SCHIP1: variants seen among roughly 807,000 people sequenced by gnomAD.
The protein encoded by SCHIP1 is schwannomin interacting protein 1.
SCHIP1 carries 8 observed loss-of-function variants against 29.7 expected under a neutral mutation model. That is an observed-to-expected ratio of 0.27 (90% confidence interval 0.16 to 0.49). The LOEUF is 0.49. Ranked by LOEUF, SCHIP1 falls within the 20% of genes least tolerant of loss-of-function variation. The pLI is 0.99. For synonymous variants in SCHIP1, 76 were observed against 94.9 expected (o/e 0.80, Z 1.16); for missense variants, 193 against 294.6 (o/e 0.66, Z 2.52).
the SCHIP1 span, among the ~76,000 whole-genome samples, chr3:159,362,387 A>G: frequency 6.6e-6 from 1 of 152,368 alleles, no homozygotes; most frequent in African/African-American, 2.4e-5. Context: ...ACTTCTGCAC[A>G]GCACGGGAGA....
chr3:159,668,376 C>CAAA, the SCHIP1 span, among the ~76,000 whole-genome samples: 394 of 46,364 alleles, frequency 8.5e-3, 2 homozygotes, highest in Non-Finnish European at 0.011. Context: ...GACTCCGTCT[C>CAAA]AAAAAAAAAA....
chr3:159,793,487 T>C, the SCHIP1 span, among the ~76,000 whole-genome samples: 2 of 152,214 alleles, frequency 1.3e-5, no homozygotes, highest in Non-Finnish European at 2.9e-5. Flanking sequence ...TATTATTTTA[T>C]ACTTCTGAAG....
At chr3:159,704,292 G>A in the SCHIP1 span, among the ~76,000 whole-genome samples, 2 of 151,878 alleles carry the variant, frequency 1.3e-5, no homozygotes, top group East Asian at 1.9e-4. Flanking sequence ...AAACTTAGCT[G>A]GGCATGGTGG....
At chr3:159,493,302 C>T in the SCHIP1 span, among the ~76,000 whole-genome samples, 1,248 of 152,310 alleles carry the variant, frequency 8.2e-3, 15 homozygotes, top group African/African-American at 0.028. Context: ...AAAGCACATA[C>T]TGGCAAATTG....
At chr3:159,744,976 C>T in the SCHIP1 span, among the ~76,000 whole-genome samples, 3 of 125,350 alleles carry the variant, frequency 2.4e-5, no homozygotes, top group Non-Finnish European at 5.5e-5. Flanking sequence ...AGCAAGACTC[C>T]GTCTCAAAAA....
chr3:159,521,388 T>G, the SCHIP1 span, among the ~76,000 whole-genome samples: 10 of 152,384 alleles, frequency 6.6e-5, 1 homozygote, highest in African/African-American at 2.2e-4. Flanking sequence ...ACAGGTATAA[T>G]GTCTTTGGCT....
chr3:159,654,464 C>G, the SCHIP1 span, among the ~76,000 whole-genome samples: 1 of 152,138 alleles, frequency 6.6e-6, no homozygotes, highest in Non-Finnish European at 1.5e-5. Flanking sequence ...TTTTTCAAGT[C>G]TAACATTTTT....
chr3:159,889,083 C>T, intron 5 of SCHIP1, 140 bp downstream of exon 6: 1 of 1,216,284 alleles, frequency 8.2e-7, no homozygotes, highest in Non-Finnish European at 1.1e-6. Context: ...AATCACAAGG[C>T]TCTTTTTTGT....
chr3:159,607,349 G>A, the SCHIP1 span, among the ~76,000 whole-genome samples: 4 of 151,730 alleles, frequency 2.6e-5, no homozygotes, highest in Non-Finnish European at 2.9e-5. Context: ...GCTTAAAACT[G>A]CACCTAATTT....
intron 1 of SCHIP1, among the ~76,000 whole-genome samples, chr3:159,850,705 A>G (rs951177600): frequency 9.2e-5 from 14 of 152,174 alleles, no homozygotes; most frequent in African/African-American, 3.4e-4. Context: ...AAGCAGGCAC[A>G]TCTTCACGTG....
At chr3:159,637,439 C>T in the SCHIP1 span, among the ~76,000 whole-genome samples, 1 of 147,730 alleles carries the variant, frequency 6.8e-6, no homozygotes, top group Non-Finnish European at 1.5e-5. Flanking sequence ...CTTCTCTCTG[C>T]TAAGGGTGGG....
the SCHIP1 span, among the ~76,000 whole-genome samples, chr3:159,504,320 A>G: frequency 3.3e-5 from 5 of 152,354 alleles, 1 homozygote; most frequent in African/African-American, 1.2e-4. Flanking sequence ...TTCTCCCAGA[A>G]TATCTTGCAT....
chr3:159,329,683 T>C, the SCHIP1 span, among the ~76,000 whole-genome samples: 41 of 152,336 alleles, frequency 2.7e-4, no homozygotes, highest in African/African-American at 8.2e-4. Flanking sequence ...TTCTTTTCTA[T>C]AGTCATAATC....
the SCHIP1 span, among the ~76,000 whole-genome samples, chr3:159,358,760 G>A: frequency 1.3e-5 from 2 of 152,016 alleles, no homozygotes; most frequent in Admixed American, 6.6e-5. Flanking sequence ...TATATAATCC[G>A]TGAAAAATCC....
chr3:159,273,249 G>T, the SCHIP1 span: 1 of 985,636 alleles, frequency 1.0e-6, no homozygotes, highest in Non-Finnish European at 1.2e-6. Flanking sequence ...GCCTCAGAAA[G>T]AGATAATCTG....
the SCHIP1 span, among the ~76,000 whole-genome samples, chr3:159,528,733 G>A: frequency 2.0e-5 from 3 of 152,176 alleles, no homozygotes; most frequent in Admixed American, 6.5e-5. Flanking sequence ...CTGCATCCCC[G>A]AAACATAATG....
chr3:159,469,041 C>T, the SCHIP1 span, among the ~76,000 whole-genome samples: 5 of 151,952 alleles, frequency 3.3e-5, no homozygotes, highest in Admixed American at 3.3e-4. Context: ...GCTGGGATTA[C>T]AGGCATCAGC....
At chr3:159,609,791 T>C in the SCHIP1 span, among the ~76,000 whole-genome samples, 3 of 152,052 alleles carry the variant, frequency 2.0e-5, no homozygotes, top group Non-Finnish European at 2.9e-5. Flanking sequence ...CAACTGTATT[T>C]TAGGTATTTT....
At chr3:159,409,890 A>T in the SCHIP1 span, among the ~76,000 whole-genome samples, 1 of 152,208 alleles carries the variant, frequency 6.6e-6, no homozygotes, top group Non-Finnish European at 1.5e-5. Flanking sequence ...ACAAAGCTAT[A>T]GTAACCAAAA....
Sources: allele counts gnomAD v4.1 joint callset (sites outside exome capture counted in the v4.1 genomes callset), GRCh38; gene constraint gnomAD v4.1.1; transcripts MANE v1.5; gene names NCBI Gene and HGNC (gene_info 2026-07-23, HGNC 2026-07-21).